The following CBLB variants were observed in gnomAD, a reference collection of about 807,000 sequenced individuals.
CBLB encodes the protein E3 ubiquitin-protein ligase CBL-B.
In CBLB, 31 loss-of-function variants were observed where a neutral mutation model predicts 104.9. The observed-to-expected ratio is 0.30, with a 90% confidence interval of 0.22 to 0.40. CBLB has a LOEUF of 0.40. Ranked by LOEUF, CBLB falls within the 10% of genes least tolerant of loss-of-function variation. CBLB has a pLI of 1.00. For missense variants in CBLB, 1,062 were observed against 1,214.6 expected, an observed-to-expected ratio of 0.87 and a Z score of 1.87; for synonymous variants, 440 against 422.6, an observed-to-expected ratio of 1.04 and a Z score of -0.51.
intron 4 of CBLB, among the ~76,000 whole-genome samples, chr3:105,764,317 G>C (rs1419192780): frequency 6.6e-6 from 1 of 152,184 alleles, no homozygotes; most frequent in African/African-American, 2.4e-5. Flanking sequence ...AAAGGATTGT[G>C]ATGAATTAGA....
chr3:105,736,135 T>C (rs1335528182), intron 8 of CBLB, among the ~76,000 whole-genome samples: 1 of 152,168 alleles, frequency 6.6e-6, no homozygotes, highest in Non-Finnish European at 1.5e-5. Context: ...CCCTTAGATT[T>C]TTATTACTTA....
At position 105,849,088 on chromosome 3, in the gene CBLB, C is replaced by T. The variant is rs140241970; in HGVS notation, c.419+4326G>A. 6.4e-4 allele frequency among the ~76,000 whole-genome samples: 97 copies of T among 152,162 alleles called. No individual in the cohort carries two copies. In the East Asian group the frequency reaches 0.018, roughly 28 times the overall value. ...CTTCTGTGTTCTGTAGAGCAAAATG[C>T]CTCAGAGCTCCATGTGCAATGGCAC... On this transcript the variant is annotated intron_variant, in intron 3 of 18. Transcript: ENST00000394030.
intron 3 of CBLB, among the ~76,000 whole-genome samples, chr3:105,815,702 T>C (rs1293728326): frequency 1.3e-5 from 2 of 152,204 alleles, no homozygotes; most frequent in African/African-American, 4.8e-5. Context: ...ACTGGGTATA[T>C]ACCCAAAGGA....
At chr3:105,794,539 T>TAA (rs978177947) in intron 3 of CBLB, among the ~76,000 whole-genome samples, 2 of 152,304 alleles carry the variant, frequency 1.3e-5, no homozygotes, top group Middle Eastern at 3.4e-3. Context: ...ATCTTACTTA[T>TAA]AAAGGTGAAA....
intron 18 of CBLB, among the ~76,000 whole-genome samples, chr3:105,662,549 GA>G (rs2063891627): frequency 6.6e-6 from 1 of 152,156 alleles, no homozygotes. Context: ...GTGAGCCACA[GA>G]ATATAAATAG....
intron 3 of CBLB, among the ~76,000 whole-genome samples, chr3:105,831,032 T>G (rs2087431506): frequency 6.6e-6 from 1 of 152,172 alleles, no homozygotes; most frequent in Non-Finnish European, 1.5e-5. Context: ...AATACGAAAT[T>G]GCATGGTAAC....
At chr3:105,829,517 G>T (rs984396189) in intron 3 of CBLB, among the ~76,000 whole-genome samples, 3 of 151,724 alleles carry the variant, frequency 2.0e-5, no homozygotes, top group African/African-American at 7.3e-5. Context: ...AAATCAGCCA[G>T]GCATAGTGGC....
At chr3:105,693,011 C>T (rs896320238) in intron 13 of CBLB, among the ~76,000 whole-genome samples, 2 of 151,284 alleles carry the variant, frequency 1.3e-5, no homozygotes, top group Non-Finnish European at 2.9e-5. Flanking sequence ...TTGTCCAGCT[C>T]TGAGGCAAAG....
chr3:105,815,345 T>C (rs1165388905), intron 3 of CBLB, among the ~76,000 whole-genome samples: 1 of 152,162 alleles, frequency 6.6e-6, no homozygotes, highest in African/African-American at 2.4e-5. Context: ...GTTCAAAGGA[T>C]GATTAGCAAA....
At chr3:105,705,402 T>G (rs1339160771) in intron 10 of CBLB, among the ~76,000 whole-genome samples, 1 of 152,218 alleles carries the variant, frequency 6.6e-6, no homozygotes, top group Non-Finnish European at 1.5e-5. Context: ...CAGGATTTCA[T>G]GCAGGATACT....
intron 4 of CBLB, among the ~76,000 whole-genome samples, chr3:105,761,245 T>TG (rs1467002004): frequency 2.0e-5 from 3 of 152,220 alleles, no homozygotes; most frequent in African/African-American, 7.2e-5. Flanking sequence ...GTTGCCAGGC[T>TG]GGTCTCGAAC....
Position 105,751,471 on chromosome 3 carries a change from C to T in CBLB, c.714G>A (p.Arg238=). The T allele has an allele frequency of 6.2e-7, 1 of 1,608,294 alleles. No homozygotes were observed. Among genetic ancestry groups the T allele is most frequent in the Non-Finnish European group, 8.5e-7 (1 of 1,175,122 alleles). The change falls in exon 5 of 19, where the codon AGG becomes AGA. Residue 238 remains arginine, a synonymous_variant. Coordinates refer to ENST00000394030, the MANE Select transcript of CBLB (RefSeq NM_170662.5). ...ISVFEFDIFT[R]LFQPWGSILR... ...GCAAGTATAAACTTACCTGAAACAG[C>T]CTGGTAAAAATATCAAATTCAAAAA... is the stretch of plus-strand genomic sequence containing the variant.
In CBLB at chr3:105,665,420, T is replaced by A. The variant is rs752737947; in HGVS notation, c.2689+4813A>T. ...AAATAAATAAATAAATAAATAAATA[T>A]ATATATATATATATATATATATACA... On this transcript the variant is annotated intron_variant, in intron 18 of 18. Coordinates refer to ENST00000394030, the MANE Select transcript of CBLB (RefSeq NM_170662.5). 2.5e-4 allele frequency among the ~76,000 whole-genome samples: 21 copies of A among 84,816 alleles called. No homozygotes were observed. In the South Asian group the frequency reaches 3.7e-3, roughly 15 times the overall value. The allele number at this position is 84,816 out of a possible 152,430, so 55.6% of individuals were successfully genotyped here.
At chr3:105,751,396 G>T in intron 5 of CBLB, 66 bp downstream of exon 5, 4 of 1,122,386 alleles carry the variant, frequency 3.6e-6, no homozygotes, top group Non-Finnish European at 4.0e-6. Context: ...GAGAGAGAGA[G>T]AAACAGAGAG....
At chr3:105,817,911 G>A (rs921149161) in intron 3 of CBLB, among the ~76,000 whole-genome samples, 16 of 152,274 alleles carry the variant, frequency 1.1e-4, no homozygotes, top group Admixed American at 9.2e-4. Flanking sequence ...TAAGTTTTAT[G>A]TCTTTCAATT....
intron 6 of CBLB, among the ~76,000 whole-genome samples, chr3:105,740,860 T>C (rs889650018): frequency 3.9e-5 from 6 of 152,118 alleles, no homozygotes; most frequent in Admixed American, 3.9e-4. Flanking sequence ...CAGATACATA[T>C]ATAAGAAAAT....
At chr3:105,813,461 G>GTT (rs1280520168) in intron 3 of CBLB, among the ~76,000 whole-genome samples, 2 of 152,038 alleles carry the variant, frequency 1.3e-5, no homozygotes, top group Non-Finnish European at 2.9e-5. Flanking sequence ...TTTGAGTAAA[G>GTT]TTATTAATAA....
chr3:105,862,210 C>T (rs1461017928), intron 2 of CBLB, among the ~76,000 whole-genome samples: 1 of 152,146 alleles, frequency 6.6e-6, no homozygotes, highest in African/African-American at 2.4e-5. Flanking sequence ...GAATATCTAC[C>T]AAATATGTGT....
chr3:105,827,598 A>G (rs886946157), intron 3 of CBLB, among the ~76,000 whole-genome samples: 5 of 152,148 alleles, frequency 3.3e-5, no homozygotes, highest in South Asian at 2.1e-4. Context: ...ACTGGCCCAG[A>G]CATTAGCCAA....
Sources: gnomAD v4.1 joint callset for allele counts (sites outside exome capture counted in the v4.1 genomes callset) on GRCh38, gnomAD v4.1.1 for gene constraint, MANE v1.5 for transcripts, NCBI Gene and HGNC (gene_info 2026-07-23, HGNC 2026-07-21) for gene names.